Variants in EPHX4 observed in about 807,000 individuals in gnomAD.
EPHX4 encodes abhydrolase domain containing 7.
EPHX4 carries 31 observed loss-of-function variants against 44.9 expected under a neutral mutation model. The observed-to-expected ratio is 0.69, with a 90% CI of 0.52 to 0.93. The LOEUF (loss-of-function observed/expected upper bound fraction) is 0.93, where lower values mean the gene tolerates loss of function less well. EPHX4 is among the 40% of genes least tolerant of loss of function. The pLI, the probability that EPHX4 is intolerant of heterozygous loss-of-function variation, is 0.00. For synonymous variants in EPHX4, 151 were observed against 159.7 expected, an observed-to-expected ratio of 0.95 and a Z score of 0.41; for missense variants, 373 against 438.1, an observed-to-expected ratio of 0.85 and a Z score of 1.33.
At chr1:92,030,492 G>GT (rs1557880299) in intron 1 of EPHX4, among the ~76,000 whole-genome samples, 182 bp downstream of exon 1, 1 of 96,964 alleles carries the variant, frequency 1.0e-5, no homozygotes, top group African/African-American at 3.3e-5. Context: ...GTGTGAGAGA[G>GT]AGAGAGAGAG....
chr1:92,043,983 A>G (rs1963186), intron 3 of EPHX4, among the ~76,000 whole-genome samples: 16,804 of 152,260 alleles, frequency 0.11, 1,376 homozygotes, highest in East Asian at 0.43. Flanking sequence ...GCCAAGTCTA[A>G]AATCAAAGGG....
intron 2 of EPHX4, among the ~76,000 whole-genome samples, chr1:92,040,131 C>T (rs1313407568): frequency 1.3e-5 from 2 of 150,526 alleles, no homozygotes. Context: ...AAATATGTGT[C>T]TGACACTCTT....
intron 3 of EPHX4, 22 bp from the exon 4 acceptor site, chr1:92,045,510 A>T (rs757396600): frequency 6.2e-7 from 1 of 1,612,712 alleles, no homozygotes; most frequent in Non-Finnish European, 8.5e-7. Flanking sequence ...TAATGATGTC[A>T]ACATTTATTT....
chr1:92,038,438 A>G (rs963302065), intron 2 of EPHX4, among the ~76,000 whole-genome samples: 4 of 152,308 alleles, frequency 2.6e-5, no homozygotes, highest in African/African-American at 7.2e-5. Flanking sequence ...TAGCACTATC[A>G]TTATTCAGTG....
intron 6 of EPHX4, among the ~76,000 whole-genome samples, chr1:92,060,092 T>C (rs142121257): frequency 2.0e-5 from 3 of 152,030 alleles, no homozygotes; most frequent in Non-Finnish European, 4.4e-5. Context: ...GTTTATCATG[T>C]TCATGAGTGG....
chr1:92,051,531 G>C (rs1647254362), intron 5 of EPHX4, among the ~76,000 whole-genome samples: 1 of 151,804 alleles, frequency 6.6e-6, no homozygotes, highest in African/African-American at 2.4e-5. Flanking sequence ...TTGGCTGATT[G>C]CTTCATCATG....
intron 2 of EPHX4, among the ~76,000 whole-genome samples, chr1:92,040,535 G>A (rs1052289224): frequency 2.6e-5 from 4 of 151,982 alleles, no homozygotes; most frequent in African/African-American, 9.7e-5. Context: ...ATATTGGTCA[G>A]GCTGGTCTTG....
chr1:92,047,120 T>G (rs890263469), intron 4 of EPHX4, among the ~76,000 whole-genome samples: 1 of 152,260 alleles, frequency 6.6e-6, no homozygotes, highest in Non-Finnish European at 1.5e-5. Flanking sequence ...CAACTACTGA[T>G]GATTGTTTTC....
intron 6 of EPHX4, among the ~76,000 whole-genome samples, chr1:92,059,761 T>C (rs989867232): frequency 6.6e-6 from 1 of 152,082 alleles, no homozygotes; most frequent in Non-Finnish European, 1.5e-5. Context: ...TAGGAATGAC[T>C]CTAACAAAAG....
In EPHX4 at chr1:92,050,297, AC is replaced by A; in HGVS notation, c.605-19del. On this transcript the variant is annotated intron_variant, in intron 4 of 6. Transcript: ENST00000370383. ...ATTTATACCCCTTGGATAAGGTCTA[AC>A]ATGGCATTTTAATTTCAGAATATAT... 2 of 1,488,654 alleles carry A rather than the reference AC, an allele frequency of 1.3e-6. No homozygotes were observed. Among genetic ancestry groups the A allele is most frequent in the Non-Finnish European group, 1.9e-6 (2 of 1,073,488 alleles). The allele number at this position is 1,488,654 out of a possible 1,614,324, so 92.2% of individuals were successfully genotyped here.
intron 4 of EPHX4, among the ~76,000 whole-genome samples, chr1:92,046,056 G>T (rs1022894451): frequency 6.6e-6 from 1 of 151,944 alleles, no homozygotes; most frequent in Non-Finnish European, 1.5e-5. Context: ...TTGGTCTTGG[G>T]CTTCTATATG....
At chr1:92,045,459 CTA>C in intron 3 of EPHX4, 71 bp from the exon 4 acceptor site, 2 of 1,546,518 alleles carry the variant, frequency 1.3e-6, no homozygotes. Flanking sequence ...AGAAGTATAA[CTA>C]TTTTATGTGA....
At chr1:92,054,733 T>A (rs1289587894) in intron 6 of EPHX4, among the ~76,000 whole-genome samples, 3 of 150,750 alleles carry the variant, frequency 2.0e-5, no homozygotes, top group Non-Finnish European at 3.0e-5. Context: ...ATAAAAAATA[T>A]GAGAAAAGAA....
chr1:92,030,685 G>A lies in EPHX4; in HGVS notation c.231+375G>A, dbSNP rs1688347129. 3.3e-5 allele frequency among the ~76,000 whole-genome samples: 5 copies of A among 152,106 alleles called. No individual in the cohort carries two copies. In the South Asian group the frequency reaches 8.3e-4, roughly 25 times the overall value. ...TCTCCTGTCACCCTTTTGCCCTTTA[G>A]AGCTCAGATCAGCTGTAGAGAATTG... On this transcript the variant is annotated intron_variant, in intron 1 of 6. Transcript: ENST00000370383.
chr1:92,060,312 G>A (rs1396951914), intron 6 of EPHX4, among the ~76,000 whole-genome samples: 1 of 151,650 alleles, frequency 6.6e-6, no homozygotes, highest in Non-Finnish European at 1.5e-5. Flanking sequence ...TACTCAGGAG[G>A]TTCAGGTGGA....
At chr1:92,046,232 A>T (rs1208497046) in intron 4 of EPHX4, among the ~76,000 whole-genome samples, 1 of 152,236 alleles carries the variant, frequency 6.6e-6, no homozygotes, top group African/African-American at 2.4e-5. Flanking sequence ...ATGAAAGCTA[A>T]CTACATCTTC....
intron 6 of EPHX4, among the ~76,000 whole-genome samples, chr1:92,060,363 A>AT (rs1476017136): frequency 1.3e-5 from 2 of 151,650 alleles, no homozygotes; most frequent in Non-Finnish European, 2.9e-5. Flanking sequence ...GCAGTGAGCT[A>AT]TGTTGCTCAC....
intron 2 of EPHX4, among the ~76,000 whole-genome samples, chr1:92,034,214 G>A (rs1162119743): frequency 4.8e-4 from 72 of 149,362 alleles, no homozygotes; most frequent in East Asian, 4.0e-4. Flanking sequence ...GCAGGAGAAT[G>A]GTGTGAACCC....
At chr1:92,036,233 G>T (rs115270856) in intron 2 of EPHX4, among the ~76,000 whole-genome samples, 1 of 152,094 alleles carries the variant, frequency 6.6e-6, no homozygotes, top group Non-Finnish European at 1.5e-5. Flanking sequence ...CTCTTTACGT[G>T]CAGAACAATA....
Sources: gnomAD v4.1 joint callset for allele counts (sites outside exome capture counted in the v4.1 genomes callset) on GRCh38, gnomAD v4.1.1 for gene constraint, MANE v1.5 for transcripts, NCBI Gene and HGNC (gene_info 2026-07-23, HGNC 2026-07-21) for gene names.